STX2: variants seen among roughly 807,000 people sequenced by gnomAD.
STX2 encodes syntaxin-2.
STX2 carries 27 observed loss-of-function variants against 40.6 expected under a neutral mutation model. The observed-to-expected ratio is 0.66, with a 90% CI of 0.49 to 0.92. The LOEUF is 0.92. Among genes scored for constraint, STX2 ranks in the 40% least tolerant of loss-of-function variants. The pLI, the probability that STX2 is intolerant of heterozygous loss-of-function variation, is 0.00. For missense variants in STX2, 328 were observed against 366.1 expected, an observed-to-expected ratio of 0.90 and a Z score of 0.85; for synonymous variants, 123 against 119.1, an observed-to-expected ratio of 1.03 and a Z score of -0.22.
At chr12:130,800,175 C>T (rs1468581431) in intron 8 of STX2, among the ~76,000 whole-genome samples, 1 of 152,088 alleles carries the variant, frequency 6.6e-6, no homozygotes, top group African/African-American at 2.4e-5. Flanking sequence ...ACGAGAAGAC[C>T]TTATTCAAAG....
In STX2 at chr12:130,839,165, G is replaced by A. The variant is rs916130918; in HGVS notation, c.-66C>T. On this transcript the variant is annotated 5_prime_UTR_variant, in exon 1 of 11. Transcript: ENST00000392373. ...CCCGAGCTGCCTCCGGCCGGGCCTC[G>A]GGCTCTCCGGTCTCCGCCTCAGGCC... The A allele has an allele frequency of 3.0e-4, 346 of 1,138,992 alleles. No individual in the cohort carries two copies. The African/African-American group carries it at 4.2e-3, about 14-fold the overall frequency. The allele number at this position is 1,138,992 out of a possible 1,614,324, so 70.6% of individuals were successfully genotyped here. A position where few individuals can be genotyped will look rare whatever the true frequency, so the allele number is the denominator to read the frequency against.
intron 3 of STX2, 129 bp downstream of exon 3, chr12:130,821,560 T>C: frequency 9.3e-6 from 7 of 754,698 alleles, no homozygotes; most frequent in Non-Finnish European, 1.6e-5. Context: ...CCTCAGACTC[T>C]CTAGGGTGTC....
intron 1 of STX2, among the ~76,000 whole-genome samples, chr12:130,835,260 G>A (rs1952719115): frequency 6.6e-6 from 1 of 152,094 alleles, no homozygotes; most frequent in Non-Finnish European, 1.5e-5. Context: ...CTGCACTCCA[G>A]CCTGGGCGAC....
At chr12:130,835,953 G>A (rs1358713068) in intron 1 of STX2, among the ~76,000 whole-genome samples, 3 of 148,116 alleles carry the variant, frequency 2.0e-5, no homozygotes, top group Non-Finnish European at 2.9e-5. Flanking sequence ...ACAGGAACAA[G>A]CATCAGCAGC....
chr12:130,801,509 G>A (rs1951227922), intron 6 of STX2, 21 bp from the exon 7 acceptor site: 1 of 1,579,484 alleles, frequency 6.3e-7, no homozygotes, highest in Non-Finnish European at 8.6e-7. Context: ...CGCAACCACA[G>A]CCCCACTCAG....
At chr12:130,823,156 A>G (rs547871473) in intron 2 of STX2, among the ~76,000 whole-genome samples, 6 of 152,262 alleles carry the variant, frequency 3.9e-5, no homozygotes, top group South Asian at 4.2e-4. Context: ...TTTAAAAAAA[A>G]AGAAAATTAG....
At chr12:130,824,287 T>TGA (rs34749488) in intron 2 of STX2, among the ~76,000 whole-genome samples, 86,010 of 151,752 alleles carry the variant, frequency 0.57, 26,562 homozygotes, top group East Asian at 0.87. Flanking sequence ...CTCAGGAGGC[T>TGA]GACAAGAGAA....
chr12:130,833,739 T>A (rs74329772), intron 1 of STX2, among the ~76,000 whole-genome samples: 1 of 152,186 alleles, frequency 6.6e-6, no homozygotes, highest in Non-Finnish European at 1.5e-5. Context: ...ATCTCCCTTT[T>A]CTGCTTTAGC....
At chr12:130,804,573 C>T (rs1300086786) in intron 6 of STX2, among the ~76,000 whole-genome samples, 3 of 151,498 alleles carry the variant, frequency 2.0e-5, no homozygotes, top group African/African-American at 7.3e-5. Context: ...TGAGGGCAGG[C>T]GGCTGTGGGG....
At chr12:130,812,037 G>A (rs1334402085) in intron 4 of STX2, 1 of 214,202 alleles carries the variant, frequency 4.7e-6, no homozygotes, top group African/African-American at 2.4e-5. Context: ...TCTGCAGCAT[G>A]GCAGATTCTG....
rs371215203 is a variant in STX2, at chr12:130,824,366, C to G, written c.106-2578G>C. ...CACCACTGCACTCTACCCTGGGTGACAGAGCGAGGCTCCGTCTCAAAAAAA... is the reference window on the plus strand; with the variant it reads ...CACCACTGCACTCTACCCTGGGTGAGAGAGCGAGGCTCCGTCTCAAAAAAA... On this transcript the variant is annotated intron_variant, in intron 2 of 10. Transcript: ENST00000392373. Among the ~76,000 whole-genome samples the G allele has an allele frequency of 1.4e-3, 220 of 152,274 alleles. 6 individuals carry two copies. In the South Asian group the frequency reaches 0.044, roughly 30 times the overall value.
chr12:130,818,185 A>AAAAAAAAAATAC, intron 3 of STX2, among the ~76,000 whole-genome samples: 1 of 70,588 alleles, frequency 1.4e-5, no homozygotes, highest in Admixed American at 1.6e-4. Context: ...AAAAAAAAAA[A>AAAAAAAAAATAC]ATATATATAT....
At chr12:130,839,032 C>T in intron 1 of STX2, 38 bp downstream of exon 1, 1 of 1,324,842 alleles carries the variant, frequency 7.5e-7, no homozygotes, top group South Asian at 1.9e-5. Flanking sequence ...GACGCCGCCC[C>T]GGCCGGGCCT....
intron 3 of STX2, among the ~76,000 whole-genome samples, chr12:130,813,929 G>A (rs1951754997): frequency 6.6e-6 from 1 of 152,174 alleles, no homozygotes; most frequent in East Asian, 1.9e-4. Context: ...GCATCAGCCG[G>A]GGAAAAGGCA....
chr12:130,811,596 G>C (rs1210723259), intron 4 of STX2, among the ~76,000 whole-genome samples: 1 of 133,338 alleles, frequency 7.5e-6, no homozygotes, highest in East Asian at 2.2e-4. Flanking sequence ...CTGGAGTGCA[G>C]TGGCGTGATC....
chr12:130,833,557 C>A (rs982692131), intron 1 of STX2, among the ~76,000 whole-genome samples: 1 of 151,980 alleles, frequency 6.6e-6, no homozygotes, highest in Non-Finnish European at 1.5e-5. Flanking sequence ...ATTACAGGCA[C>A]CTACCACCAC....
intron 10 of STX2, among the ~76,000 whole-genome samples, chr12:130,792,547 A>G (rs1328277402): frequency 2.6e-5 from 4 of 152,120 alleles, no homozygotes; most frequent in Non-Finnish European, 4.4e-5. Context: ...CACTGCAAAC[A>G]CATCCTCCTG....
intron 4 of STX2, chr12:130,812,174 T>TA (rs1225364824): frequency 0.021 from 4,625 of 219,470 alleles, no homozygotes; most frequent in South Asian, 0.047. Flanking sequence ...GCAAACTGTT[T>TA]AAAAAAAAAA....
chr12:130,805,544 G>A (rs765437991), intron 6 of STX2, among the ~76,000 whole-genome samples: 1 of 152,204 alleles, frequency 6.6e-6, no homozygotes, highest in Non-Finnish European at 1.5e-5. Flanking sequence ...TCACTGGAGT[G>A]CTGACCAGCA....
Sources: allele counts gnomAD v4.1 joint callset (sites outside exome capture counted in the v4.1 genomes callset), GRCh38; gene constraint gnomAD v4.1.1; transcripts MANE v1.5; gene names NCBI Gene and HGNC (gene_info 2026-07-23, HGNC 2026-07-21).